Variants in KIRREL1 observed in about 807,000 individuals in gnomAD.
KIRREL1 encodes kin of IRRE-like protein 1.
KIRREL1 carries 25 observed loss-of-function variants against 83.3 expected under a neutral mutation model. The observed-to-expected ratio is 0.30, with a 90% CI of 0.22 to 0.42. The LOEUF (loss-of-function observed/expected upper bound fraction) is 0.42, where lower values mean the gene tolerates loss of function less well. Ranked by LOEUF, KIRREL1 falls within the 10% of genes least tolerant of loss-of-function variation. The pLI, the probability that KIRREL1 is intolerant of heterozygous loss-of-function variation, is 1.00. For synonymous variants in KIRREL1, 388 were observed against 410.4 expected, an observed-to-expected ratio of 0.95 and a Z score of 0.66; for missense variants, 812 against 1,032.3, an observed-to-expected ratio of 0.79 and a Z score of 2.92.
chr1:158,025,344 G>A (rs888529722), intron 1 of KIRREL1, among the ~76,000 whole-genome samples: 3 of 152,078 alleles, frequency 2.0e-5, no homozygotes, highest in African/African-American at 7.2e-5. Context: ...TCGGGGAAAC[G>A]ACAGAGAAAG....
chr1:158,068,290 A>G (rs894625898), intron 1 of KIRREL1, among the ~76,000 whole-genome samples: 3 of 152,220 alleles, frequency 2.0e-5, no homozygotes, highest in African/African-American at 4.8e-5. Context: ...TCTGATGTCC[A>G]TATCACCTGA....
chr1:158,084,298 GGGT>G (rs1661956050), intron 3 of KIRREL1, 121 bp from the exon 4 acceptor site: 8 of 855,312 alleles, frequency 9.4e-6, no homozygotes, highest in Non-Finnish European at 1.4e-5. Context: ...TTAGGGGGTA[GGGT>G]GGTACCGCCT....
rs1200370380 is a variant in KIRREL1 at position 158,096,734 on chromosome 1, G to A, written c.*1614G>A. 2 of 456,554 alleles carry A rather than the reference G, an allele frequency of 4.4e-6. No individual in the cohort carries two copies. The highest frequency in any genetic ancestry group is 2.0e-5 in the African/African-American group (1 of 50,062). 28.3% of individuals were successfully genotyped at this position (456,554 alleles called of 1,614,324 possible). ...GACCAAAGAGAACAGGCGCTCCAAG[G>A]AGAACCTGTACCCCTGCCCCAGCCT... On this transcript the variant is annotated 3_prime_UTR_variant, in exon 15 of 15. Transcript: ENST00000359209.
intron 1 of KIRREL1, among the ~76,000 whole-genome samples, chr1:158,056,588 A>G (rs1350882977): frequency 6.6e-6 from 1 of 152,068 alleles, no homozygotes; most frequent in East Asian, 1.9e-4. Context: ...TTCACCCTCA[A>G]CCACCTCTCC....
chr1:158,039,119 C>T (rs1307837386), intron 1 of KIRREL1, among the ~76,000 whole-genome samples: 3 of 152,178 alleles, frequency 2.0e-5, no homozygotes, highest in Non-Finnish European at 2.9e-5. Context: ...ATTATCCTTT[C>T]CAACACTGAG....
At position 158,053,649 on chromosome 1, in the gene KIRREL1, G is replaced by A. The variant is rs1370251654; in HGVS notation, c.53-22464G>A. On this transcript the variant is annotated intron_variant, in intron 1 of 14. Transcript: ENST00000359209. ...CACCCTCTCCTCTTTTCCCATTGTT[G>A]GAATTGATCATTTTCCTCCTAAACA... Among the ~76,000 whole-genome samples the A allele has an allele frequency of 2.0e-5, 3 of 152,060 alleles. No individual in the cohort carries two copies. The South Asian group carries it at 6.2e-4, about 32-fold the overall frequency.
In KIRREL1 at chr1:158,094,268, A is replaced by G; in HGVS notation, c.1720-45A>G. The G allele has an allele frequency of 6.5e-7, 1 of 1,546,302 alleles. No individual in the cohort carries two copies. Among genetic ancestry groups the G allele is most frequent in the Non-Finnish European group, 8.8e-7 (1 of 1,135,636 alleles). ...GGAGGGGTTGGTGAGGGGCGAAAAG[A>G]GCAGGGCTTCCGTCTGCTGACGTCC... is the stretch of plus-strand genomic sequence containing the variant. On this transcript the variant is annotated intron_variant, in intron 13 of 14. Coordinates refer to ENST00000359209, the MANE Select transcript of KIRREL1 (RefSeq NM_018240.7). The surrounding 1 kb of genome is among the most constrained non-coding windows in gnomAD (Gnocchi z 4.6).
intron 1 of KIRREL1, among the ~76,000 whole-genome samples, chr1:158,012,367 C>T (rs1442529658): frequency 6.6e-6 from 1 of 152,184 alleles, no homozygotes; most frequent in Non-Finnish European, 1.5e-5. Flanking sequence ...ACCTCCTACC[C>T]GTGTGACCTT....
At chr1:158,088,176 G>T in intron 7 of KIRREL1, 22 bp downstream of exon 7, 1 of 1,614,140 alleles carries the variant, frequency 6.2e-7, no homozygotes, top group Non-Finnish European at 8.5e-7. Context: ...GGAGGGCAGG[G>T]ACGGGGACAG....
At chr1:158,076,311 T>C in intron 2 of KIRREL1, 49 bp downstream of exon 2, 1 of 1,558,018 alleles carries the variant, frequency 6.4e-7, no homozygotes, top group Non-Finnish European at 8.8e-7. Flanking sequence ...TTCTCCGCCA[T>C]TCCCCACTTC....
intron 1 of KIRREL1, among the ~76,000 whole-genome samples, chr1:158,069,174 C>T (rs1276289137): frequency 2.0e-5 from 3 of 152,088 alleles, no homozygotes; most frequent in East Asian, 1.9e-4. Flanking sequence ...CGGAAGCAGA[C>T]GGGCATCCAT....
At chr1:158,016,283 G>C (rs192550202) in intron 1 of KIRREL1, among the ~76,000 whole-genome samples, 2 of 144,820 alleles carry the variant, frequency 1.4e-5, no homozygotes, top group East Asian at 4.1e-4. Context: ...TAGACTGGGG[G>C]ACAGAGCGAG....
intron 12 of KIRREL1, 71 bp downstream of exon 12, chr1:158,093,517 G>A: frequency 6.2e-7 from 1 of 1,603,296 alleles, no homozygotes; most frequent in Admixed American, 1.7e-5. Context: ...CAGTGCTTGG[G>A]GTGGATGGGA....
chr1:158,079,148 CT>C (rs1286361631), intron 3 of KIRREL1, among the ~76,000 whole-genome samples: 2 of 152,078 alleles, frequency 1.3e-5, no homozygotes, highest in African/African-American at 2.4e-5. Context: ...GACTCTGTCC[CT>C]TTTTTTTCTG....
chr1:158,039,066 C>T (rs1435857586), intron 1 of KIRREL1, among the ~76,000 whole-genome samples: 1 of 152,118 alleles, frequency 6.6e-6, no homozygotes, highest in Non-Finnish European at 1.5e-5. Context: ...CACGCTGGAC[C>T]GGAGACTTCT....
rs1281237017 is a variant in KIRREL1, at chr1:158,094,901, G to C, written c.2055G>C (p.Glu685Asp). ...ACACAACCAGCCAGCTGTCCTACGA[G>C]AACTATGAGAAGTTCAACTCCCATC... Reference protein sequence around the residue: ...GTDTTSQLSYENYEKFNSHPF... With the variant: ...GTDTTSQLSYDNYEKFNSHPF... Residue 685 changes from glutamate (E) to aspartate (D), a missense_variant, in exon 15 of 15, where the codon GAG (glutamate) becomes GAC (aspartate). Coordinates refer to ENST00000359209, the MANE Select transcript of KIRREL1 (RefSeq NM_018240.7). The surrounding 1 kb of genome is among the most constrained non-coding windows in gnomAD (Gnocchi z 4.6). 2.5e-6 allele frequency: 4 copies of C among 1,613,936 alleles called. No homozygotes were observed. In the African/African-American group the frequency reaches 4.0e-5, roughly 16 times the overall value.
Position 158,094,261 on chromosome 1 carries a change from C to G in KIRREL1, c.1720-52C>G, listed in dbSNP as rs371400096. The G allele has an allele frequency of 2.4e-5, 36 of 1,518,276 alleles. No individual in the cohort carries two copies. Among genetic ancestry groups the G allele is most frequent in the Admixed American group, 3.9e-5 (2 of 51,344 alleles). The allele number at this position is 1,518,276 out of a possible 1,614,324, so 94.1% of individuals were successfully genotyped here. A position where few individuals can be genotyped will look rare whatever the true frequency, so the allele number is the denominator to read the frequency against. On this transcript the variant is annotated intron_variant, in intron 13 of 14. Coordinates refer to ENST00000359209, the MANE Select transcript of KIRREL1 (RefSeq NM_018240.7). This position sits in a 1 kb window ranked among gnomAD's most constrained non-coding sequence, Gnocchi z 4.6. Reference sequence around the variant, plus strand: ...AGCGTGGGGAGGGGTTGGTGAGGGGCGAAAAGAGCAGGGCTTCCGTCTGCT... The same window carrying G: ...AGCGTGGGGAGGGGTTGGTGAGGGGGGAAAAGAGCAGGGCTTCCGTCTGCT...
chr1:158,088,284 A>T, intron 7 of KIRREL1, 43 bp from the exon 8 acceptor site: 1 of 1,601,304 alleles, frequency 6.2e-7, no homozygotes. Context: ...AGTTAACCCC[A>T]TGAGCTTGAG....
chr1:158,006,770 T>TA (rs1659529986), intron 1 of KIRREL1, among the ~76,000 whole-genome samples: 1 of 152,176 alleles, frequency 6.6e-6, no homozygotes, highest in Non-Finnish European at 1.5e-5. Context: ...CCTCCTCCTC[T>TA]CTCCACGGGA....
Sources: gnomAD v4.1 joint callset for allele counts (sites outside exome capture counted in the v4.1 genomes callset) on GRCh38, gnomAD v4.1.1 for gene constraint, Gnocchi (gnomAD v3.1) non-coding constraint, MANE v1.5 for transcripts, NCBI Gene and HGNC (gene_info 2026-07-23, HGNC 2026-07-21) for gene names.